Variants in JPH3 observed in about 807,000 individuals in gnomAD.
The protein encoded by JPH3 is junctophilin-3.
Under a neutral mutation model 59.6 loss-of-function variants are expected in JPH3, and 11 were observed. That is an observed-to-expected ratio of 0.18 (90% CI 0.12 to 0.31). The LOEUF (loss-of-function observed/expected upper bound fraction) is 0.31. Ranked by LOEUF, JPH3 falls within the 10% of genes least tolerant of loss-of-function variation. JPH3 has a pLI of 1.00. For synonymous variants in JPH3, 673 were observed against 483.6 expected, an observed-to-expected ratio of 1.39 and a Z score of -5.14; for missense variants, 1,202 against 1,105.7, an observed-to-expected ratio of 1.09 and a Z score of -1.24.
chr16:87,616,119 G>A (rs867642156), intron 1 of JPH3, among the ~76,000 whole-genome samples: 2 of 151,928 alleles, frequency 1.3e-5, no homozygotes, highest in South Asian at 2.1e-4. Context: ...AGGGTTGGGG[G>A]ACTTTGAATT....
chr16:87,653,855 C>G (rs1362349918), intron 2 of JPH3: 3 of 152,268 alleles, frequency 2.0e-5, no homozygotes, highest in African/African-American at 2.4e-5. Context: ...GGCCTGCTGT[C>G]TACACCTGTG....
chr16:87,684,308 G>A (rs1187925055), intron 3 of JPH3, 42 bp downstream of exon 3: 1 of 1,607,682 alleles, frequency 6.2e-7, no homozygotes, highest in South Asian at 1.1e-5. Flanking sequence ...TGGGGAGGGG[G>A]TGCGTGGATG....
intron 1 of JPH3, among the ~76,000 whole-genome samples, chr16:87,637,047 G>A (rs1256350104): frequency 6.6e-6 from 1 of 152,230 alleles, no homozygotes; most frequent in Admixed American, 6.5e-5. Flanking sequence ...TTTGCTGCGA[G>A]ATCCTGGGTC....
chr16:87,669,180 C>G (rs760250650), intron 2 of JPH3, among the ~76,000 whole-genome samples: 6 of 152,144 alleles, frequency 3.9e-5, no homozygotes, highest in African/African-American at 7.2e-5. Flanking sequence ...TTGGTCTGCT[C>G]TAGGGCCAGG....
chr16:87,627,181 C>T (rs373395439), intron 1 of JPH3, among the ~76,000 whole-genome samples: 15 of 152,202 alleles, frequency 9.9e-5, no homozygotes, highest in South Asian at 2.1e-4. Context: ...GCCCTAGAGC[C>T]GTGGCTCAGC....
intron 1 of JPH3, 21 bp downstream of exon 1, chr16:87,603,549 C>G: frequency 6.5e-7 from 1 of 1,540,762 alleles, no homozygotes; most frequent in Non-Finnish European, 8.7e-7. Context: ...CGGGCCGGGC[C>G]GGGCCGGGGC....
chr16:87,629,324 G>A (rs896629935), intron 1 of JPH3, among the ~76,000 whole-genome samples: 4 of 152,034 alleles, frequency 2.6e-5, no homozygotes, highest in Non-Finnish European at 2.9e-5. Flanking sequence ...TGATGCAGGA[G>A]TTTTAGTAAA....
chr16:87,686,867 G>A (rs572072961), intron 3 of JPH3, among the ~76,000 whole-genome samples: 50 of 152,328 alleles, frequency 3.3e-4, no homozygotes, highest in African/African-American at 1.2e-3. Context: ...AGACGGGGCC[G>A]CTGCTGCCTC....
In JPH3 at chr16:87,603,150, T is replaced by A. The variant is rs2030326747; in HGVS notation, c.4T>A (p.Ser2Thr). 4 of 1,613,700 alleles carry A rather than the reference T, an allele frequency of 2.5e-6. No homozygotes were observed. Among genetic ancestry groups the A allele is most frequent in the Non-Finnish European group, 3.4e-6 (4 of 1,179,856 alleles). Residue 2 changes from serine to threonine, a missense_variant, in exon 1 of 5, where the codon TCC (serine) becomes ACC (threonine). Transcript: ENST00000284262. ...GATCTGGAACCGAGTTACATGCATG[T>A]CCAGTGGGGGCAGGTTTAATTTTGA... MSSGGRFNFDDG... is the reference protein window; with the variant it reads MTSGGRFNFDDG...
chr16:87,686,370 AG>A (rs1567614423), intron 3 of JPH3, among the ~76,000 whole-genome samples: 3 of 144,250 alleles, frequency 2.1e-5, no homozygotes, highest in African/African-American at 8.1e-5. Context: ...CTGGATTCAG[AG>A]GAGATGCTTC....
rs148034188 is a variant in JPH3 at position 87,683,071 on chromosome 16, C to T, written c.1161-1071C>T. Among the ~76,000 whole-genome samples the T allele has an allele frequency of 3.9e-4, 59 of 152,334 alleles. No individual in the cohort carries two copies. In the Middle Eastern group the frequency reaches 0.02, roughly 53 times the overall value. On this transcript the variant is annotated intron_variant, in intron 2 of 4. Coordinates refer to ENST00000284262, the MANE Select transcript of JPH3 (RefSeq NM_020655.4). ...GCTCCTTCGTGTCACACATGGGTGT[C>T]GGCGTCATCTTTCGGCTGGGTGAGG... is the stretch of plus-strand genomic sequence containing the variant.
At chr16:87,619,991 G>A (rs1283652097) in intron 1 of JPH3, among the ~76,000 whole-genome samples, 4 of 152,316 alleles carry the variant, frequency 2.6e-5, no homozygotes, top group Middle Eastern at 3.4e-3. Flanking sequence ...GACCCAGTGC[G>A]CAAGGAGCCC....
chr16:87,669,935 C>T (rs893289746), intron 2 of JPH3, among the ~76,000 whole-genome samples: 7 of 152,024 alleles, frequency 4.6e-5, no homozygotes, highest in Admixed American at 2.6e-4. Flanking sequence ...GCTCAGAGGC[C>T]GTGGGTGTGC....
rs2033922875 is a variant in JPH3, at chr16:87,697,336, T to C, written c.*676T>C. ...GAAGCCGACTCCCCACACCGAGTTT[T>C]AAAGCAAAGCCCTTTTCTTCTGCTG... is the stretch of plus-strand genomic sequence containing the variant. On this transcript the variant is annotated 3_prime_UTR_variant, in exon 5 of 5. Coordinates refer to ENST00000284262, the MANE Select transcript of JPH3 (RefSeq NM_020655.4). 1 of 152,452 alleles carries C rather than the reference T, an allele frequency of 6.6e-6. No individual in the cohort carries two copies. Among genetic ancestry groups the C allele is most frequent in the Non-Finnish European group, 1.5e-5 (1 of 68,236 alleles). 9.4% of individuals were successfully genotyped at this position (152,452 alleles called of 1,614,324 possible). A position where few individuals can be genotyped will look rare whatever the true frequency, so the allele number is the denominator to read the frequency against.
chr16:87,637,558 C>G (rs1029178873), intron 1 of JPH3, among the ~76,000 whole-genome samples: 1 of 152,068 alleles, frequency 6.6e-6, no homozygotes, highest in African/African-American at 2.4e-5. Flanking sequence ...CAGTCACGTG[C>G]TGCGCTGACG....
chr16:87,683,033 C>G (rs943198141), intron 2 of JPH3, among the ~76,000 whole-genome samples: 3 of 152,256 alleles, frequency 2.0e-5, no homozygotes, highest in African/African-American at 7.2e-5. Flanking sequence ...CCCGGCTGCC[C>G]ACAGGTACAA....
chr16:87,687,944 A>T (rs1231632237), intron 3 of JPH3, among the ~76,000 whole-genome samples: 1 of 151,876 alleles, frequency 6.6e-6, no homozygotes, highest in Non-Finnish European at 1.5e-5. Flanking sequence ...GCCAAGGAGG[A>T]GGTACGATGT....
chr16:87,689,687 G>C lies in JPH3; in HGVS notation c.1327G>C (p.Asp443His), dbSNP rs781042134. The C allele has an allele frequency of 4.3e-6, 7 of 1,612,240 alleles. No homozygotes were observed. Among genetic ancestry groups the C allele is most frequent in the Admixed American group, 3.3e-5 (2 of 59,944 alleles). ...GCCGAAGCGTCAGACCTCCTGTGAC[G>C]ACATCGAGGTGCTGTCCACCGGGAC... ...QRPKRQTSCD[D>H]IEVLSTGTPL... The change falls in exon 4 of 5, where the codon GAC (aspartate) becomes CAC (histidine). Residue 443 changes from aspartate to histidine, a missense_variant. Coordinates refer to ENST00000284262, the MANE Select transcript of JPH3 (RefSeq NM_020655.4).
chr16:87,633,227 C>T (rs748764790), intron 1 of JPH3, among the ~76,000 whole-genome samples: 63 of 152,094 alleles, frequency 4.1e-4, no homozygotes, highest in South Asian at 6.2e-4. Flanking sequence ...GTGGGCTTGT[C>T]CCTCTGTATG....
Sources: allele counts gnomAD v4.1 joint callset (sites outside exome capture counted in the v4.1 genomes callset), GRCh38; gene constraint gnomAD v4.1.1; transcripts MANE v1.5; gene names NCBI Gene and HGNC (gene_info 2026-07-23, HGNC 2026-07-21).